Variants in ANKRD30BL observed in about 807,000 individuals in gnomAD.
ANKRD30BL encodes the protein ankyrin repeat domain 30B like.
Under a neutral mutation model 18.4 loss-of-function variants are expected in ANKRD30BL, and 20 were observed. The ratio of observed to expected loss-of-function variants is 1.09; its 90% confidence interval spans 0.77 to 1.58. The LOEUF (loss-of-function observed/expected upper bound fraction) is 1.58. Among genes scored for constraint, ANKRD30BL ranks in the 40% most tolerant of loss-of-function variants. The pLI is 0.00. For missense variants in ANKRD30BL, 224 were observed against 268.6 expected, an observed-to-expected ratio of 0.83 and a Z score of 1.16; for synonymous variants, 72 against 100.9, an observed-to-expected ratio of 0.71 and a Z score of 1.72.
rs759686952 is a variant in ANKRD30BL, at chr2:132,154,645, A to T, written c.614+17T>A. 20 of 540,192 alleles carry T rather than the reference A, an allele frequency of 3.7e-5. No individual in the cohort carries two copies. Among genetic ancestry groups the T allele is most frequent in the South Asian group, 5.6e-5 (3 of 53,534 alleles). 33.5% of individuals were successfully genotyped at this position (540,192 alleles called of 1,614,324 possible). A position where few individuals can be genotyped will look rare whatever the true frequency, so the allele number is the denominator to read the frequency against. On this transcript the variant is annotated intron_variant, in intron 4 of 5. Transcript: ENST00000409867. ...GCACACTACTCAAGTGTTTTTTAAT[A>T]AAAAAAACTACTATACCATTTAAAC... is the stretch of plus-strand genomic sequence containing the variant.
intron 1 of ANKRD30BL, among the ~76,000 whole-genome samples, chr2:132,175,841 C>A (rs187185641): frequency 7.9e-5 from 12 of 152,316 alleles, no homozygotes; most frequent in African/African-American, 2.9e-4. Flanking sequence ...ATCCCTTAAA[C>A]CTTGATTCCA....
intron 1 of ANKRD30BL, among the ~76,000 whole-genome samples, chr2:132,240,403 A>G (rs565131540): frequency 6.6e-6 from 1 of 151,912 alleles, no homozygotes; most frequent in African/African-American, 2.4e-5. Flanking sequence ...GTTACTTTTC[A>G]TAGAGCAGTT....
At chr2:132,218,784 A>T (rs10177098) in intron 1 of ANKRD30BL, among the ~76,000 whole-genome samples, 5,615 of 151,822 alleles carry the variant, frequency 0.037, 226 homozygotes, top group African/African-American at 0.13. Context: ...TCAGGCCTTC[A>T]TTGGAAATGG....
At chr2:132,253,825 G>C (rs72869414) in intron 1 of ANKRD30BL, among the ~76,000 whole-genome samples, 4 of 152,012 alleles carry the variant, frequency 2.6e-5, no homozygotes, top group Admixed American at 2.6e-4. Context: ...ACCGGCATCC[G>C]GCCCCCTACC....
chr2:132,233,560 A>C (rs1435700756), intron 1 of ANKRD30BL, among the ~76,000 whole-genome samples: 10 of 150,230 alleles, frequency 6.7e-5, no homozygotes, highest in African/African-American at 2.2e-4. Context: ...AACAGACTTT[A>C]AACCAACAAA....
intron 1 of ANKRD30BL, among the ~76,000 whole-genome samples, chr2:132,174,562 C>T (rs1365643766): frequency 6.6e-6 from 1 of 152,032 alleles, no homozygotes; most frequent in Non-Finnish European, 1.5e-5. Context: ...TATTTCTCCT[C>T]TAAATGAAAG....
chr2:132,220,775 C>T (rs1679652310), intron 1 of ANKRD30BL, among the ~76,000 whole-genome samples: 1 of 151,834 alleles, frequency 6.6e-6, no homozygotes, highest in South Asian at 2.1e-4. Context: ...CAGCCTCTGC[C>T]CGGCCGCCAC....
At chr2:132,203,598 A>C (rs1197999778) in intron 1 of ANKRD30BL, among the ~76,000 whole-genome samples, 2 of 152,122 alleles carry the variant, frequency 1.3e-5, no homozygotes, top group Non-Finnish European at 2.9e-5. Context: ...TTCAGTAGAG[A>C]AACTGAATAC....
At chr2:132,184,165 T>C (rs1688523496) in intron 1 of ANKRD30BL, among the ~76,000 whole-genome samples, 1 of 152,144 alleles carries the variant, frequency 6.6e-6, no homozygotes, top group African/African-American at 2.4e-5. Context: ...CTCCACCTTC[T>C]GGGTTCAAGC....
At chr2:132,209,174 TATCTTC>T (rs982330277) in intron 1 of ANKRD30BL, among the ~76,000 whole-genome samples, 112 of 151,964 alleles carry the variant, frequency 7.4e-4, no homozygotes, top group Non-Finnish European at 1.4e-3. Flanking sequence ...GAAAAGGAAA[TATCTTC>T]ACATAAAAAC....
At chr2:132,148,617 G>A (rs10084227) in intron 5 of ANKRD30BL, among the ~76,000 whole-genome samples, 2 of 150,808 alleles carry the variant, frequency 1.3e-5, no homozygotes, top group African/African-American at 2.4e-5. Context: ...CAATCCGCCC[G>A]CTTTGGCCTT....
intron 1 of ANKRD30BL, among the ~76,000 whole-genome samples, chr2:132,236,017 C>T (rs890537338): frequency 2.0e-5 from 3 of 151,986 alleles, no homozygotes; most frequent in Non-Finnish European, 2.9e-5. Flanking sequence ...CAGAACAGAG[C>T]CCTCAGAAAT....
At chr2:132,236,942 G>GC (rs1299836103) in intron 1 of ANKRD30BL, among the ~76,000 whole-genome samples, 1 of 151,682 alleles carries the variant, frequency 6.6e-6, no homozygotes, top group East Asian at 1.9e-4. Context: ...ATACTATGCA[G>GC]CCATAAAAAA....
intron 1 of ANKRD30BL, among the ~76,000 whole-genome samples, chr2:132,173,630 TTTC>T (rs1688318557): frequency 1.3e-5 from 2 of 152,138 alleles, no homozygotes; most frequent in Admixed American, 1.3e-4. Context: ...TATTCTAACA[TTTC>T]TTGTTTTTGG....
chr2:132,157,905 A>T (rs535462943), intron 1 of ANKRD30BL, among the ~76,000 whole-genome samples: 3 of 152,222 alleles, frequency 2.0e-5, no homozygotes, highest in Non-Finnish European at 4.4e-5. Context: ...TGGTACAATT[A>T]TGCCTAATTT....
chr2:132,191,080 AG>A (rs1678841068), intron 1 of ANKRD30BL, among the ~76,000 whole-genome samples: 1 of 152,326 alleles, frequency 6.6e-6, no homozygotes, highest in South Asian at 2.1e-4. Context: ...ATCACCTCAA[AG>A]GTTCTTTTGT....
intron 1 of ANKRD30BL, among the ~76,000 whole-genome samples, chr2:132,183,358 T>C (rs528356920): frequency 2.2e-4 from 34 of 152,280 alleles, no homozygotes; most frequent in Middle Eastern, 3.4e-3. Context: ...TTTGAACTCC[T>C]GACCTTGTGA....
intron 1 of ANKRD30BL, among the ~76,000 whole-genome samples, chr2:132,167,527 T>C (rs909892836): frequency 6.6e-6 from 1 of 152,084 alleles, no homozygotes; most frequent in Non-Finnish European, 1.5e-5. Flanking sequence ...TTCATCATGT[T>C]GGTCGGGCTA....
intron 1 of ANKRD30BL, among the ~76,000 whole-genome samples, chr2:132,229,186 T>C (rs1679934602): frequency 6.6e-6 from 1 of 152,120 alleles, no homozygotes; most frequent in African/African-American, 2.4e-5. Flanking sequence ...GATTTGACCA[T>C]TCCTTTGAAG....
Sources: allele counts gnomAD v4.1 joint callset (sites outside exome capture counted in the v4.1 genomes callset), GRCh38; gene constraint gnomAD v4.1.1; transcripts MANE v1.5; gene names NCBI Gene and HGNC (gene_info 2026-07-23, HGNC 2026-07-21).